The following ADRA1B variants were observed in gnomAD, a reference collection of about 807,000 sequenced individuals.
ADRA1B encodes the protein adrenoceptor alpha 1B, also known as alpha-1B adrenergic receptor.
A neutral mutation model predicts 17.9 loss-of-function variants in ADRA1B; 17 were observed. The observed-to-expected ratio is 0.95, with a 90% CI of 0.65 to 1.42. ADRA1B has a LOEUF of 1.42. Among genes scored for constraint, ADRA1B ranks in the 40% most tolerant of loss-of-function variants. The probability of loss-of-function intolerance (pLI) is 0.00; values close to 1 mark genes in which losing one functional copy is unlikely to be tolerated. For synonymous variants in ADRA1B, 366 were observed against 327.6 expected, an observed-to-expected ratio of 1.12 and a Z score of -1.27; for missense variants, 681 against 722.1, an observed-to-expected ratio of 0.94 and a Z score of 0.65.
At chr5:159,977,293 G>A (rs750609366), downstream of ADRA1B, among the ~76,000 whole-genome samples, 74 of 152,240 alleles carry the variant, frequency 4.9e-4, no homozygotes, top group Non-Finnish European at 8.2e-4. Flanking sequence ...ATCTTGCCCC[G>A]TGTTAGACAT....
chr5:159,951,903 T>C (rs966990643), intron 1 of ADRA1B, among the ~76,000 whole-genome samples: 1 of 152,218 alleles, frequency 6.6e-6, no homozygotes, highest in East Asian at 1.9e-4. Context: ...CCACAGATCA[T>C]GGAAGGATTT....
chr5:159,885,103 C>A (rs1006157320), intron 1 of ADRA1B, among the ~76,000 whole-genome samples: 10 of 152,136 alleles, frequency 6.6e-5, no homozygotes. Flanking sequence ...ATTAGCCCAG[C>A]CCACACTGAG....
chr5:159,927,477 A>T (rs72808196), intron 1 of ADRA1B, among the ~76,000 whole-genome samples: 10,609 of 151,780 alleles, frequency 0.07, 395 homozygotes, highest in East Asian at 0.14. Flanking sequence ...CTTTCCATGG[A>T]GGTAACTTTG....
intron 1 of ADRA1B, among the ~76,000 whole-genome samples, chr5:159,967,949 T>G (rs1284001957): frequency 1.3e-5 from 2 of 152,098 alleles, no homozygotes; most frequent in Non-Finnish European, 2.9e-5. Flanking sequence ...CCAAAAAACG[T>G]ATGCCGCGCA....
rs996097042 is a variant in ADRA1B at position 159,917,670 on chromosome 5, C to A, written c.765C>A (p.Ile255=). 3 of 1,614,008 alleles carry A rather than the reference C, an allele frequency of 1.9e-6. No individual in the cohort carries two copies. Among genetic ancestry groups the A allele is most frequent in the South Asian group, 2.2e-5 (2 of 91,072 alleles). ...MSNSKELTLR[I]HSKNFHEDTL... ...ACTCCAAGGAGCTGACCCTGAGGATCCATTCCAAGAACTTTCACGAGGACA... is the reference window on the plus strand; with the variant it reads ...ACTCCAAGGAGCTGACCCTGAGGATACATTCCAAGAACTTTCACGAGGACA... Residue 255 remains isoleucine (I), a synonymous_variant, in exon 1 of 2, where the codon ATC becomes ATA. Coordinates refer to ENST00000306675, the MANE Select transcript of ADRA1B (RefSeq NM_000679.4).
At chr5:159,879,936 C>A (rs1753839433) in intron 1 of ADRA1B, among the ~76,000 whole-genome samples, 1 of 152,096 alleles carries the variant, frequency 6.6e-6, no homozygotes, top group Non-Finnish European at 1.5e-5. Flanking sequence ...GAGGAGGTTG[C>A]AGTGAACTGA....
At chr5:159,876,904 G>T (rs1018358717) in intron 1 of ADRA1B, among the ~76,000 whole-genome samples, 7 of 152,174 alleles carry the variant, frequency 4.6e-5, no homozygotes, top group Non-Finnish European at 5.9e-5. Flanking sequence ...GGGGCCTGGC[G>T]CTTGTGTTTC....
chr5:159,950,947 C>A, intron 1 of ADRA1B: 1 of 577,058 alleles, frequency 1.7e-6, no homozygotes, highest in South Asian at 1.7e-5. Context: ...CCACAATCTT[C>A]TGGGTGGCAG....
At chr5:159,956,394 A>T (rs1295771937) in intron 1 of ADRA1B, among the ~76,000 whole-genome samples, 1 of 150,366 alleles carries the variant, frequency 6.7e-6, no homozygotes, top group Non-Finnish European at 1.5e-5. Flanking sequence ...GGCTGTAACT[A>T]TACCAAAACA....
intron 1 of ADRA1B, among the ~76,000 whole-genome samples, chr5:159,892,395 T>G (rs1753992231): frequency 6.6e-6 from 1 of 152,214 alleles, no homozygotes; most frequent in Admixed American, 6.5e-5. Context: ...GGTAAACATG[T>G]GCCGTGGTGG....
intron 1 of ADRA1B, chr5:159,948,212 A>G: frequency 2.0e-6 from 2 of 985,442 alleles, no homozygotes; most frequent in Non-Finnish European, 2.4e-6. Context: ...GGGCTTCTGG[A>G]GTCCTCCTGC....
At chr5:159,961,021 C>G (rs1755656410) in intron 1 of ADRA1B, among the ~76,000 whole-genome samples, 1 of 152,132 alleles carries the variant, frequency 6.6e-6, no homozygotes, top group Non-Finnish European at 1.5e-5. Context: ...ATCCAAGGTT[C>G]AAAGGGACAA....
chr5:159,892,382 A>G (rs1753991710), intron 1 of ADRA1B, among the ~76,000 whole-genome samples: 1 of 152,220 alleles, frequency 6.6e-6, no homozygotes. Flanking sequence ...GGTTTGTTAC[A>G]TAGGTAAACA....
At chr5:159,973,967 T>C (rs533451905), downstream of ADRA1B, among the ~76,000 whole-genome samples, 5 of 152,354 alleles carry the variant, frequency 3.3e-5, no homozygotes, top group Admixed American at 2.0e-4. Flanking sequence ...TTTTTTTCTT[T>C]CTACTTTGCT....
chr5:159,943,209 C>G (rs1220768898), intron 1 of ADRA1B, among the ~76,000 whole-genome samples: 1 of 136,576 alleles, frequency 7.3e-6, no homozygotes, highest in Non-Finnish European at 1.6e-5. Flanking sequence ...AAGACTCTGT[C>G]TCAGAAAAAA....
the ADRA1B span, among the ~76,000 whole-genome samples, chr5:159,979,657 C>T: frequency 6.6e-6 from 1 of 152,080 alleles, no homozygotes; most frequent in Non-Finnish European, 1.5e-5. Flanking sequence ...CACCGGAGGT[C>T]AGGAGTTCGA....
intron 1 of ADRA1B, among the ~76,000 whole-genome samples, chr5:159,880,026 A>T (rs1443318299): frequency 2.6e-5 from 4 of 152,142 alleles, no homozygotes; most frequent in Non-Finnish European, 5.9e-5. Context: ...AAAATTAAAA[A>T]CTTTAAAAAG....
chr5:159,893,056 G>A (rs957227148), intron 1 of ADRA1B, among the ~76,000 whole-genome samples: 2 of 152,096 alleles, frequency 1.3e-5, no homozygotes, highest in Non-Finnish European at 2.9e-5. Flanking sequence ...GTTTCATTGT[G>A]ATTTTGATTT....
At chr5:159,947,369 A>G (rs956460585) in intron 1 of ADRA1B, among the ~76,000 whole-genome samples, 16 of 151,994 alleles carry the variant, frequency 1.1e-4, no homozygotes, top group African/African-American at 3.6e-4. Context: ...AAAGAAAACC[A>G]TGGCTCAGAA....
Sources: allele counts gnomAD v4.1 joint callset (sites outside exome capture counted in the v4.1 genomes callset), GRCh38; gene constraint gnomAD v4.1.1; transcripts MANE v1.5; gene names NCBI Gene and HGNC (gene_info 2026-07-23, HGNC 2026-07-21).